UNC45B: variants seen among roughly 807,000 people sequenced by gnomAD.
UNC45B encodes protein unc-45 homolog B.
Under a neutral mutation model 98.7 loss-of-function variants are expected in UNC45B, and 78 were observed. That is an observed-to-expected ratio of 0.79 (90% CI 0.66 to 0.95). The LOEUF is 0.95. UNC45B is among the 40% of genes least tolerant of loss of function. The probability of loss-of-function intolerance (pLI) is 0.00; values close to 1 mark genes in which losing one functional copy is unlikely to be tolerated. For missense variants in UNC45B, 1,225 were observed against 1,184.9 expected (o/e 1.03, Z -0.50); for synonymous variants, 462 against 480.4 (o/e 0.96, Z 0.50).
chr17:35,171,611 G>T, intron 13 of UNC45B, 149 bp downstream of exon 13: 1 of 857,442 alleles, frequency 1.2e-6, no homozygotes, highest in Non-Finnish European at 1.7e-6. Flanking sequence ...TATGTTAATG[G>T]TAAACTTTCC....
intron 8 of UNC45B, among the ~76,000 whole-genome samples, chr17:35,162,478 GA>G (rs1393706744): frequency 6.6e-6 from 1 of 152,176 alleles, no homozygotes; most frequent in African/African-American, 2.4e-5. Flanking sequence ...TTTCATATGG[GA>G]AGATGGGTCT....
intron 7 of UNC45B, among the ~76,000 whole-genome samples, chr17:35,158,127 TGGCCTCCCAA>T (rs2092076659): frequency 6.6e-6 from 1 of 152,226 alleles, no homozygotes; most frequent in African/African-American, 2.4e-5. Context: ...CCTCCTGCTG[TGGCCTCCCAA>T]AATATTGGGA....
chr17:35,153,276 T>A (rs142866328), intron 5 of UNC45B, among the ~76,000 whole-genome samples: 268 of 152,334 alleles, frequency 1.8e-3, no homozygotes, highest in African/African-American at 5.9e-3. Context: ...AATATAGCAT[T>A]GATTATTATT....
At chr17:35,163,796 A>T (rs1020418582) in intron 8 of UNC45B, among the ~76,000 whole-genome samples, 199 bp from the exon 9 acceptor site, 1 of 152,192 alleles carries the variant, frequency 6.6e-6, no homozygotes, top group Non-Finnish European at 1.5e-5. Flanking sequence ...AGGGAGGTGA[A>T]TTGGTCAAGC....
Position 35,155,458 on chromosome 17 carries a change from G to A in UNC45B, c.802G>A (p.Val268Ile). 6.2e-7 allele frequency: 1 copy of A among 1,614,060 alleles called. No individual in the cohort carries two copies. The highest frequency in any genetic ancestry group is 8.5e-7 in the Non-Finnish European group (1 of 1,179,950). ...REHRGKEEALVLDTKKDLKQI... is the reference protein window; with the variant it reads ...REHRGKEEALILDTKKDLKQI... ...GCATCGAGGGAAGGAGGAGGCCCTG[G>A]TTCTAGGTAGGAAACATTCTTCAGT... The change falls in exon 7 of 20, where the codon GTT becomes ATT. Residue 268 changes from valine (V) to isoleucine (I), a missense_variant. Val to Ile is a conservative substitution (Grantham distance 29). Transcript: ENST00000394570.
chr17:35,164,187 A>T lies in UNC45B; in HGVS notation c.1151+21A>T, dbSNP rs140083068. 6.1e-5 allele frequency: 97 copies of T among 1,599,288 alleles called. No individual in the cohort carries two copies. In the East Asian group the frequency reaches 1.7e-3, roughly 28 times the overall value. ...ATCACGTAAGTTTCCTGGAGGCCTC[A>T]CAGGGTCAGGCTCTGTCTTGGTTAT... On this transcript the variant is annotated intron_variant, in intron 9 of 19. Transcript: ENST00000394570.
chr17:35,166,564 G>A (rs2142559949), intron 9 of UNC45B, among the ~76,000 whole-genome samples: 1 of 152,238 alleles, frequency 6.6e-6, no homozygotes, highest in Admixed American at 6.5e-5. Flanking sequence ...ATCAAATGGT[G>A]CCCCAGCCTG....
At chr17:35,178,911 T>C (rs1167669138) in intron 17 of UNC45B, among the ~76,000 whole-genome samples, 1 of 152,208 alleles carries the variant, frequency 6.6e-6, no homozygotes, top group East Asian at 1.9e-4. Context: ...TCTGTTTTGG[T>C]ACCAGTACCA....
intron 8 of UNC45B, among the ~76,000 whole-genome samples, chr17:35,161,782 G>A (rs1212531101): frequency 6.6e-6 from 1 of 152,084 alleles, no homozygotes; most frequent in African/African-American, 2.4e-5. Context: ...AAACAACCAT[G>A]CAATTACAGG....
At chr17:35,183,089 C>T (rs1465751816) in intron 18 of UNC45B, among the ~76,000 whole-genome samples, 1 of 151,656 alleles carries the variant, frequency 6.6e-6, no homozygotes, top group African/African-American at 2.4e-5. Context: ...GAGAAACCTT[C>T]CAATGTTCCC....
chr17:35,183,918 T>C (rs190249422), intron 19 of UNC45B, among the ~76,000 whole-genome samples: 12 of 152,030 alleles, frequency 7.9e-5, no homozygotes, highest in East Asian at 5.8e-4. Flanking sequence ...ACGGATGTGG[T>C]TGGGATGCCA....
intron 8 of UNC45B, among the ~76,000 whole-genome samples, chr17:35,163,645 G>A (rs878916791): frequency 6.6e-6 from 1 of 152,182 alleles, no homozygotes; most frequent in East Asian, 1.9e-4. Context: ...TTTTACAAAT[G>A]AAGAAGCTGA....
In UNC45B at chr17:35,170,094, T is replaced by A. The variant is rs924448652; in HGVS notation, c.1548-20T>A. 6.2e-7 allele frequency: 1 copy of A among 1,604,232 alleles called. No homozygotes were observed. Among genetic ancestry groups the A allele is most frequent in the Non-Finnish European group, 8.5e-7 (1 of 1,173,100 alleles). On this transcript the variant is annotated intron_variant, in intron 11 of 19. Transcript: ENST00000394570. ...CTAGCCCTGGGCCCCTTCCCATGTG[T>A]GCTCCCTCCTCACTTCCAGGTGGCT...
rs148057044 is a variant in UNC45B, at chr17:35,164,132, G to A, written c.1117G>A (p.Asp373Asn). 147 of 1,613,184 alleles carry A rather than the reference G, an allele frequency of 9.1e-5. No individual in the cohort carries two copies. The highest frequency in any genetic ancestry group is 1.6e-4 in the African/African-American group (12 of 74,840). The change falls in exon 9 of 20, where the codon GAT becomes AAT. Residue 373 changes from aspartate to asparagine, a missense_variant. By Grantham distance (23) the Asp-to-Asn change is conservative. Transcript: ENST00000394570. ...TGACCTGCGCTGTGACCCGGAGCGC[G>A]ATCACTTCCGCAAGATCTGTGAGGA... is the stretch of plus-strand genomic sequence containing the variant. ...YDDLRCDPER[D>N]HFRKICEEYI... is the part of the protein sequence containing the mutation.
At chr17:35,177,427 C>T in intron 16 of UNC45B, 68 bp from the exon 17 acceptor site, 1 of 1,142,228 alleles carries the variant, frequency 8.8e-7, no homozygotes, top group Non-Finnish European at 1.3e-6. Flanking sequence ...CAGCTGGTCA[C>T]CTATAAATGT....
At chr17:35,175,629 A>G (rs1213278658) in intron 14 of UNC45B, among the ~76,000 whole-genome samples, 1 of 152,170 alleles carries the variant, frequency 6.6e-6, no homozygotes, top group Non-Finnish European at 1.5e-5. Context: ...CTGGTGCTGG[A>G]TGAGACAAAA....
rs541674416 is a variant in UNC45B at position 35,184,024 on chromosome 17, T to A, written c.2529+442T>A. On this transcript the variant is annotated intron_variant, in intron 19 of 19. Coordinates refer to ENST00000394570, the MANE Select transcript of UNC45B (RefSeq NM_001267052.2). ...ACTGTGGCCATTGCAGCAGGTGTAA[T>A]GGAAATGATATCTGTATAGTCACAA... Among the ~76,000 whole-genome samples, 3 of 152,322 alleles carry A rather than the reference T, an allele frequency of 2.0e-5. No homozygotes were observed. The South Asian group carries it at 6.2e-4, about 32-fold the overall frequency.
rs745405426 is a variant in UNC45B at position 35,154,684 on chromosome 17, G to A, written c.582G>A (p.Glu194=). 2.8e-5 allele frequency: 45 copies of A among 1,612,004 alleles called. No individual in the cohort carries two copies. In the East Asian group the frequency reaches 9.8e-4, roughly 35 times the overall value. The change falls in exon 6 of 20, where the codon GAG becomes GAA. Residue 194 remains glutamate (E), a synonymous_variant. Transcript: ENST00000394570. ...AGCTTCTGGACACTAAGAAGCCTGA[G>A]CTGGTGCTGGCTGCAGTGCGGACCC... ...LLQLLDTKKP[E]LVLAAVRTLS...
At chr17:35,162,729 C>T (rs1179930931) in intron 8 of UNC45B, among the ~76,000 whole-genome samples, 3 of 152,120 alleles carry the variant, frequency 2.0e-5, no homozygotes, top group African/African-American at 4.8e-5. Flanking sequence ...TACAGGTGCC[C>T]GCCACCATGC....
Sources: gnomAD v4.1 joint callset for allele counts (sites outside exome capture counted in the v4.1 genomes callset) on GRCh38, gnomAD v4.1.1 for gene constraint, MANE v1.5 for transcripts, NCBI Gene and HGNC (gene_info 2026-07-23, HGNC 2026-07-21) for gene names.